Variants in AKAP6 observed in about 807,000 individuals in gnomAD.
AKAP6 encodes the protein A-kinase anchoring protein 6, also known as A-kinase anchor protein 6.
A neutral mutation model predicts 188.5 loss-of-function variants in AKAP6; 58 were observed. The observed-to-expected ratio is 0.31, with a 90% CI of 0.25 to 0.38. The LOEUF is 0.38. Ranked by LOEUF, AKAP6 falls within the 10% of genes least tolerant of loss-of-function variation. The pLI is 1.00. For synonymous variants in AKAP6, 989 were observed against 998.6 expected (o/e 0.99, Z 0.18); for missense variants, 2,710 against 2,740.0 (o/e 0.99, Z 0.24).
At position 32,400,579 on chromosome 14, in the gene AKAP6, A is replaced by AAAAAAAAAAAAAG. The variant is rs5807654; in HGVS notation, c.-34-32881_-34-32880insAAAAAAAAAAAAG. Among the ~76,000 whole-genome samples, 62 of 150,412 alleles carry AAAAAAAAAAAAAG rather than the reference A, an allele frequency of 4.1e-4. 1 individual carries two copies. Among genetic ancestry groups the AAAAAAAAAAAAAG allele is most frequent in the African/African-American group, 1.5e-3 (61 of 41,106 alleles). ...CACTTTTAGCAAAAAAAAAAAAAAA[A>AAAAAAAAAAAAAG]GACAGTAAGCATTCATAAATGTCAT... On this transcript the variant is annotated intron_variant, in intron 1 of 13. Transcript: ENST00000280979.
intron 13 of AKAP6, among the ~76,000 whole-genome samples, chr14:32,828,791 T>C (rs2034749116): frequency 6.6e-6 from 1 of 152,192 alleles, no homozygotes; most frequent in South Asian, 2.1e-4. Context: ...CTGCATTATT[T>C]TACTATACCA....
intron 1 of AKAP6, among the ~76,000 whole-genome samples, chr14:32,329,623 CTCTG>C (rs1388578086): frequency 2.6e-5 from 4 of 152,090 alleles, no homozygotes; most frequent in South Asian, 4.1e-4. Context: ...CTTGCTCCAG[CTCTG>C]TCTGTTATTT....
At chr14:32,584,580 G>A (rs1885143257) in intron 5 of AKAP6, among the ~76,000 whole-genome samples, 1 of 152,090 alleles carries the variant, frequency 6.6e-6, no homozygotes, top group South Asian at 2.1e-4. Context: ...TTAAGATAGT[G>A]AACATACTTA....
chr14:32,739,421 A>G (rs1409449913), intron 11 of AKAP6, among the ~76,000 whole-genome samples: 1 of 152,082 alleles, frequency 6.6e-6, no homozygotes, highest in Non-Finnish European at 1.5e-5. Flanking sequence ...CAATTAAGTT[A>G]CTATTGACTA....
chr14:32,782,843 G>A (rs2033292991), intron 12 of AKAP6, among the ~76,000 whole-genome samples: 1 of 150,734 alleles, frequency 6.6e-6, no homozygotes, highest in African/African-American at 2.4e-5. Context: ...TTTATCTATA[G>A]AATTAATGTA....
At chr14:32,384,162 G>A (rs1888456660) in intron 1 of AKAP6, among the ~76,000 whole-genome samples, 1 of 152,194 alleles carries the variant, frequency 6.6e-6, no homozygotes, top group South Asian at 2.1e-4. Flanking sequence ...TCCCTTAACT[G>A]TTGAAATGAG....
In AKAP6 at chr14:32,812,171, T is replaced by C. The variant is rs10130466; in HGVS notation, c.3589-9231T>C. Among the ~76,000 whole-genome samples, 586 of 152,270 alleles carry C rather than the reference T, an allele frequency of 3.8e-3. 5 individuals are homozygous for C. The highest frequency in any genetic ancestry group is 0.013 in the African/African-American group (557 of 41,554). On this transcript the variant is annotated intron_variant, in intron 12 of 13. Transcript: ENST00000280979. ...AGATATTATCATTGGGAGAAAAGAA[T>C]GTATGCAACTTTGCATGTGGTTCTG...
At chr14:32,733,659 T>C (rs944101771) in intron 10 of AKAP6, 10 of 152,174 alleles carry the variant, frequency 6.6e-5, no homozygotes, top group African/African-American at 2.4e-4. Flanking sequence ...TTCACTACAC[T>C]CTGCAGTTGT....
intron 1 of AKAP6, among the ~76,000 whole-genome samples, chr14:32,397,316 AG>A (rs1287612694): frequency 6.6e-6 from 1 of 152,032 alleles, no homozygotes; most frequent in Non-Finnish European, 1.5e-5. Flanking sequence ...GGCCCCTCAA[AG>A]CAGGTTGAGT....
At chr14:32,666,953 A>G (rs1293245260) in intron 7 of AKAP6, among the ~76,000 whole-genome samples, 1 of 152,056 alleles carries the variant, frequency 6.6e-6, no homozygotes, top group Non-Finnish European at 1.5e-5. Context: ...TCATTTGTCT[A>G]TAGTGCATTT....
intron 1 of AKAP6, among the ~76,000 whole-genome samples, chr14:32,336,968 T>C (rs1886724994): frequency 2.0e-5 from 3 of 152,252 alleles, no homozygotes; most frequent in African/African-American, 2.4e-5. Context: ...TTCTCTGATA[T>C]GTCCCTTGGA....
chr14:32,538,009 C>T (rs1882763999), intron 3 of AKAP6, among the ~76,000 whole-genome samples: 2 of 152,044 alleles, frequency 1.3e-5, no homozygotes, highest in Non-Finnish European at 2.9e-5. Flanking sequence ...AGTCTTTAGT[C>T]CTGTTGTAGA....
chr14:32,567,851 T>C (rs1884270038), intron 4 of AKAP6, among the ~76,000 whole-genome samples: 2 of 152,106 alleles, frequency 1.3e-5, no homozygotes, highest in Admixed American at 6.6e-5. Context: ...TGTCCAGAAA[T>C]GTTTATTTAA....
chr14:32,633,456 G>A lies in AKAP6; in HGVS notation c.2730+32664G>A, dbSNP rs560164485. Reference sequence around the variant, plus strand: ...TTCTGTAAGAGGATTATACACCCCTGTCTATTACCATGTGACTTGCAGGCC... The same window carrying A: ...TTCTGTAAGAGGATTATACACCCCTATCTATTACCATGTGACTTGCAGGCC... On this transcript the variant is annotated intron_variant, in intron 7 of 13. Coordinates refer to ENST00000280979, the MANE Select transcript of AKAP6 (RefSeq NM_004274.5). Among the ~76,000 whole-genome samples, 9 of 152,138 alleles carry A rather than the reference G, an allele frequency of 5.9e-5. No individual in the cohort carries two copies. In the East Asian group the frequency reaches 1.7e-3, roughly 29 times the overall value.
intron 9 of AKAP6, among the ~76,000 whole-genome samples, chr14:32,725,345 G>C (rs138108777): frequency 6.6e-5 from 10 of 152,160 alleles, no homozygotes; most frequent in Non-Finnish European, 1.3e-4. Context: ...TATTTAGCTC[G>C]GCAGCCTACT....
chr14:32,336,022 A>AAGTCC (rs920507264), intron 1 of AKAP6, among the ~76,000 whole-genome samples: 1 of 151,890 alleles, frequency 6.6e-6, no homozygotes. Context: ...TAATGTTCAG[A>AAGTCC]AGTCCATATC....
At chr14:32,817,483 GTCTGTGTT>G (rs200051953) in intron 12 of AKAP6, among the ~76,000 whole-genome samples, 1 of 119,908 alleles carries the variant, frequency 8.3e-6, no homozygotes, top group Non-Finnish European at 1.8e-5. Context: ...GTGTGTGTGT[GTCTGTGTT>G]TGTGTGTGTG....
chr14:32,745,461 T>TTCTCTCTCTCTCTCTCTCTCTCTCTC (rs71115094), intron 11 of AKAP6, among the ~76,000 whole-genome samples: 1 of 141,344 alleles, frequency 7.1e-6, no homozygotes. Flanking sequence ...TATTTATTCA[T>TTCTCTCTCTCTCTCTCTCTCTCTCTC]TCTCTCTCTC....
intron 4 of AKAP6, among the ~76,000 whole-genome samples, chr14:32,570,235 A>T (rs1594751592): frequency 7.0e-6 from 1 of 142,192 alleles, no homozygotes; most frequent in African/African-American, 2.6e-5. Context: ...GGTTCAAGTG[A>T]TTCTCGTGCC....
Sources: allele counts gnomAD v4.1 joint callset (sites outside exome capture counted in the v4.1 genomes callset), GRCh38; gene constraint gnomAD v4.1.1; transcripts MANE v1.5; gene names NCBI Gene and HGNC (gene_info 2026-07-23, HGNC 2026-07-21).